Variants in SDC4 observed in about 807,000 individuals in gnomAD.
The protein encoded by SDC4 is syndecan 4.
SDC4 carries 17 observed loss-of-function variants against 20.5 expected under a neutral mutation model. The observed-to-expected ratio is 0.83, with a 90% CI of 0.57 to 1.25. SDC4 has a LOEUF of 1.25. SDC4 is among the 50% of genes most tolerant of loss of function. The probability of loss-of-function intolerance (pLI) is 0.00; values close to 1 mark genes in which losing one functional copy is unlikely to be tolerated. For synonymous variants in SDC4, 107 were observed against 105.3 expected, an observed-to-expected ratio of 1.02 and a Z score of -0.10; for missense variants, 241 against 252.3, an observed-to-expected ratio of 0.96 and a Z score of 0.30.
Position 45,348,374 on chromosome 20 carries a change from G to A in SDC4, c.11C>T (p.Ala4Val). 6.3e-7 allele frequency: 1 copy of A among 1,585,394 alleles called. No homozygotes were observed. Among genetic ancestry groups the A allele is most frequent in the Non-Finnish European group, 8.6e-7 (1 of 1,167,666 alleles). The change falls in exon 1 of 5, where the codon GCC (alanine) becomes GTC (valine). Residue 4 changes from alanine to valine, a missense_variant. By Grantham distance (64) the Ala-to-Val change is moderately conservative. Coordinates refer to ENST00000372733, the MANE Select transcript of SDC4 (RefSeq NM_002999.4). The part of the protein sequence containing the change: MAP[A>V]RLFALLLFFV... ...GAACAGCAGCAGCGCGAACAGACGG[G>A]CGGGGGCCATGGCACCGCGGACTGG...
At chr20:45,335,477 T>A (rs1380639143) in intron 2 of SDC4, among the ~76,000 whole-genome samples, 4 of 148,472 alleles carry the variant, frequency 2.7e-5, no homozygotes, top group Non-Finnish European at 4.5e-5. Flanking sequence ...CATCCTACCC[T>A]CACCCCACCC....
chr20:45,340,446 C>G (rs536343772), intron 1 of SDC4, among the ~76,000 whole-genome samples: 1 of 152,344 alleles, frequency 6.6e-6, no homozygotes, highest in East Asian at 1.9e-4. Context: ...CCAACCACAA[C>G]TAGGCTTCTC....
intron 1 of SDC4, among the ~76,000 whole-genome samples, chr20:45,343,689 G>A (rs1250346301): frequency 6.6e-6 from 1 of 152,322 alleles, no homozygotes; most frequent in African/African-American, 2.4e-5. Flanking sequence ...AGATAAGGGG[G>A]ATAAGGGGGA....
chr20:45,341,137 C>A (rs1987946812), intron 1 of SDC4, among the ~76,000 whole-genome samples: 1 of 152,180 alleles, frequency 6.6e-6, no homozygotes. Flanking sequence ...AGGGACCCAG[C>A]ACGTGATCAA....
rs16989998 is a variant in SDC4 at position 45,326,973 on chromosome 20, C to A, written c.*291G>T. Reference sequence around the variant, plus strand: ...GGCATGGTCAGTATGGGCTTGAGGGCGGACCTAGATTCTTAACTGGAAGTT... The same window carrying A: ...GGCATGGTCAGTATGGGCTTGAGGGAGGACCTAGATTCTTAACTGGAAGTT... On this transcript the variant is annotated 3_prime_UTR_variant, in exon 5 of 5. Coordinates refer to ENST00000372733, the MANE Select transcript of SDC4 (RefSeq NM_002999.4). The A allele has an allele frequency of 9.7e-6, 3 of 308,656 alleles. No homozygotes were observed. Among genetic ancestry groups the A allele is most frequent in the Non-Finnish European group, 1.8e-5 (3 of 162,534 alleles). 19.1% of individuals were successfully genotyped at this position (308,656 alleles called of 1,614,324 possible). A position where few individuals can be genotyped will look rare whatever the true frequency, so the allele number is the denominator to read the frequency against.
At chr20:45,335,138 T>C (rs1485886741) in intron 2 of SDC4, among the ~76,000 whole-genome samples, 1 of 94,598 alleles carries the variant, frequency 1.1e-5, no homozygotes, top group Non-Finnish European at 2.0e-5. Context: ...CTCTGCCCAC[T>C]CATGCCCCCT....
chr20:45,336,525 T>G (rs1269819776), intron 1 of SDC4, among the ~76,000 whole-genome samples: 1 of 152,192 alleles, frequency 6.6e-6, no homozygotes, highest in Non-Finnish European at 1.5e-5. Flanking sequence ...TCTGGAGGCA[T>G]GTTATTCACT....
intron 1 of SDC4, among the ~76,000 whole-genome samples, chr20:45,341,512 C>A (rs1183714637): frequency 2.6e-5 from 4 of 152,142 alleles, no homozygotes; most frequent in African/African-American, 9.7e-5. Flanking sequence ...TGACCAGAAA[C>A]ACCTGAAATT....
chr20:45,331,374 C>A (rs1987774906), intron 3 of SDC4, among the ~76,000 whole-genome samples: 1 of 152,090 alleles, frequency 6.6e-6, no homozygotes, highest in African/African-American at 2.4e-5. Context: ...GGATCTTTGT[C>A]CCTCTGCAAC....
intron 1 of SDC4, among the ~76,000 whole-genome samples, chr20:45,347,919 C>T (rs1263245277): frequency 2.0e-5 from 3 of 152,164 alleles, no homozygotes; most frequent in Non-Finnish European, 4.4e-5. Flanking sequence ...CCCCGACCCC[C>T]AGGGCCATCT....
chr20:45,327,493 T>G (rs576170685), intron 4 of SDC4, 78 bp from the exon 5 acceptor site: 1 of 1,465,662 alleles, frequency 6.8e-7, no homozygotes, highest in Non-Finnish European at 9.2e-7. Context: ...TTTCCCCCAC[T>G]GTCAGTTCTC....
At position 45,326,383 on chromosome 20, in the gene SDC4, T is replaced by TAAA. The variant is rs35186241; in HGVS notation, c.*878_*880dup. ...AGGCCCTATCTAAAGCTATAAATAGTAAAAAAAAAAAAAAAAAAAAAAAAT... is the reference window on the plus strand; with the variant it reads ...AGGCCCTATCTAAAGCTATAAATAGTAAAAAAAAAAAAAAAAAAAAAAAAAAAT... On this transcript the variant is annotated 3_prime_UTR_variant, in exon 5 of 5. Transcript: ENST00000372733. 41 of 97,672 alleles carry TAAA rather than the reference T, an allele frequency of 4.2e-4. 1 individual carries two copies. Among genetic ancestry groups the TAAA allele is most frequent in the African/African-American group, 6.2e-4 (16 of 25,650 alleles). The allele number at this position is 97,672 out of a possible 1,614,324, so 6.1% of individuals were successfully genotyped here.
chr20:45,341,862 T>G (rs565271185), intron 1 of SDC4, among the ~76,000 whole-genome samples: 1 of 152,304 alleles, frequency 6.6e-6, no homozygotes, highest in South Asian at 2.1e-4. Context: ...TGCCAGGAGC[T>G]GACCCAGCAC....
intron 1 of SDC4, among the ~76,000 whole-genome samples, chr20:45,340,652 C>A (rs1345859483): frequency 6.6e-6 from 1 of 152,230 alleles, no homozygotes; most frequent in Non-Finnish European, 1.5e-5. Flanking sequence ...TAACTGTGAA[C>A]TAATGAGAGC....
rs767260222 is a variant in SDC4, at chr20:45,327,252, C to G, written c.*12G>C. On this transcript the variant is annotated 3_prime_UTR_variant, in exon 5 of 5. Coordinates refer to ENST00000372733, the MANE Select transcript of SDC4 (RefSeq NM_002999.4). ...CCCCGCTAAAGTCCAAGCCAGTGCCCACAAGCAAGCTTCACGCGTAGAACT... is the reference window on the plus strand; with the variant it reads ...CCCCGCTAAAGTCCAAGCCAGTGCCGACAAGCAAGCTTCACGCGTAGAACT... 1 of 1,613,952 alleles carries G rather than the reference C, an allele frequency of 6.2e-7. No individual in the cohort carries two copies. The highest frequency in any genetic ancestry group is 8.5e-7 in the Non-Finnish European group (1 of 1,179,924).
Position 45,330,489 on chromosome 20 carries a change from C to G in SDC4, c.322G>C (p.Glu108Gln), listed in dbSNP as rs1987760585. The G allele has an allele frequency of 6.2e-7, 1 of 1,613,924 alleles. No individual in the cohort carries two copies. The highest frequency in any genetic ancestry group is 8.5e-7 in the Non-Finnish European group (1 of 1,179,880). ...QVPTEPKKLE[E>Q]NEVIPKRISP... is the part of the protein sequence containing the mutation. ...ATTCTCTTGGGGATAACCTCATTCTCCTCTAGTTTCTTGGGTTCGGTGGGG... is the reference window on the plus strand; with the variant it reads ...ATTCTCTTGGGGATAACCTCATTCTGCTCTAGTTTCTTGGGTTCGGTGGGG... The change falls in exon 4 of 5, where the codon GAG becomes CAG. Residue 108 changes from glutamate (E) to glutamine (Q), a missense_variant. Physicochemically the swap from Glu to Gln is conservative, Grantham distance 29. Transcript: ENST00000372733.
At chr20:45,346,624 C>T (rs1463006440) in intron 1 of SDC4, among the ~76,000 whole-genome samples, 1 of 152,168 alleles carries the variant, frequency 6.6e-6, no homozygotes, top group Non-Finnish European at 1.5e-5. Context: ...GGTATCCCTT[C>T]GGATGCTTCC....
chr20:45,348,235 G>GCA, intron 1 of SDC4, 90 bp downstream of exon 1: 2 of 889,352 alleles, frequency 2.2e-6, no homozygotes, highest in Non-Finnish European at 3.5e-6. Context: ...CCCCCGATCT[G>GCA]CCCCCCCCCA....
chr20:45,334,568 A>C (rs1367415547), intron 2 of SDC4, among the ~76,000 whole-genome samples: 1 of 151,776 alleles, frequency 6.6e-6, no homozygotes, highest in Admixed American at 6.6e-5. Context: ...AGCTCACTGC[A>C]ACCTCTGCCT....
Sources: gnomAD v4.1 joint callset for allele counts (sites outside exome capture counted in the v4.1 genomes callset) on GRCh38, gnomAD v4.1.1 for gene constraint, MANE v1.5 for transcripts, NCBI Gene and HGNC (gene_info 2026-07-23, HGNC 2026-07-21) for gene names.